The following TSHZ2 variants were observed in gnomAD, a reference collection of about 807,000 sequenced individuals.
TSHZ2 encodes the protein teashirt homolog 2.
In TSHZ2, 21 loss-of-function variants were observed where a neutral mutation model predicts 74.4. The ratio of observed to expected loss-of-function variants is 0.28; its 90% CI spans 0.20 to 0.41. The LOEUF (loss-of-function observed/expected upper bound fraction) is 0.41, where lower values mean the gene tolerates loss of function less well. Ranked by LOEUF, TSHZ2 falls within the 10% of genes least tolerant of loss-of-function variation. TSHZ2 has a pLI of 1.00. For missense variants in TSHZ2, 1,244 were observed against 1,293.5 expected, an observed-to-expected ratio of 0.96 and a Z score of 0.59; for synonymous variants, 540 against 515.3, an observed-to-expected ratio of 1.05 and a Z score of -0.65.
intron 1 of TSHZ2, among the ~76,000 whole-genome samples, chr20:53,082,728 A>C (rs925162441): frequency 2.0e-5 from 3 of 152,246 alleles, no homozygotes; most frequent in Non-Finnish European, 4.4e-5. Context: ...ATGTGAAAGA[A>C]TCTATCTGGC....
At chr20:53,075,355 T>C (rs964646234) in intron 1 of TSHZ2, among the ~76,000 whole-genome samples, 61 of 152,126 alleles carry the variant, frequency 4.0e-4, no homozygotes, top group African/African-American at 1.4e-3. Context: ...AGATCTTGGG[T>C]TTTTCATTCA....
chr20:53,078,475 G>A (rs1985433329), intron 1 of TSHZ2, among the ~76,000 whole-genome samples: 1 of 152,184 alleles, frequency 6.6e-6, no homozygotes, highest in South Asian at 2.1e-4. Context: ...GGATTAGAGG[G>A]ACTCTGGCAT....
chr20:53,374,193 C>T (rs116557161), intron 2 of TSHZ2, among the ~76,000 whole-genome samples: 67 of 152,234 alleles, frequency 4.4e-4, no homozygotes, highest in African/African-American at 1.5e-3. Flanking sequence ...TCTTGGTGTC[C>T]ATAGGCACTC....
chr20:53,160,521 CA>C lies in TSHZ2; in HGVS notation c.41-92977del, dbSNP rs563391709. 1.7e-4 allele frequency among the ~76,000 whole-genome samples: 26 copies of C among 152,160 alleles called. 1 individual carries two copies. The East Asian group carries it at 5.0e-3, about 29-fold the overall frequency. On this transcript the variant is annotated intron_variant, in intron 1 of 2. Coordinates refer to ENST00000371497, the MANE Select transcript of TSHZ2 (RefSeq NM_173485.6). ...CAGTGGCTCATGCCTGTAATTCCAG[CA>C]CTTTGGGAGGCTGAGGTAGACAGAT...
At chr20:53,216,377 G>T (rs140561683) in intron 1 of TSHZ2, among the ~76,000 whole-genome samples, 1 of 152,194 alleles carries the variant, frequency 6.6e-6, no homozygotes, top group East Asian at 1.9e-4. Flanking sequence ...AAATGGGACT[G>T]GGGTGGCGGA....
chr20:53,185,652 G>A, intron 1 of TSHZ2: 1 of 1,536,046 alleles, frequency 6.5e-7, no homozygotes, highest in Middle Eastern at 1.7e-4. Context: ...AAAGATGATG[G>A]CTGCTGCGTT....
At chr20:53,231,779 C>G (rs147452557) in intron 1 of TSHZ2, among the ~76,000 whole-genome samples, 2 of 152,274 alleles carry the variant, frequency 1.3e-5, no homozygotes, top group Non-Finnish European at 2.9e-5. Flanking sequence ...GCTCACCTGT[C>G]GCTAAGACAT....
intron 1 of TSHZ2, among the ~76,000 whole-genome samples, chr20:53,248,849 T>C (rs1371296142): frequency 6.6e-6 from 1 of 152,150 alleles, no homozygotes; most frequent in African/African-American, 2.4e-5. Context: ...TTTCATTTCA[T>C]TTCATTTTAG....
At chr20:53,015,078 T>C (rs999464014) in intron 1 of TSHZ2, among the ~76,000 whole-genome samples, 1 of 152,200 alleles carries the variant, frequency 6.6e-6, no homozygotes, top group African/African-American at 2.4e-5. Context: ...TGAAAACAGC[T>C]GACCCCATTC....
At chr20:53,053,598 T>C (rs1330414607) in intron 1 of TSHZ2, among the ~76,000 whole-genome samples, 1 of 151,988 alleles carries the variant, frequency 6.6e-6, no homozygotes, top group Non-Finnish European at 1.5e-5. Context: ...TATATATATA[T>C]ATTTTTCTCG....
intron 2 of TSHZ2, among the ~76,000 whole-genome samples, chr20:53,461,022 G>C (rs903564699): frequency 6.6e-6 from 1 of 152,198 alleles, no homozygotes; most frequent in Non-Finnish European, 1.5e-5. Flanking sequence ...CCCAGAGGTG[G>C]AGCCTACAGA....
chr20:53,114,255 C>T (rs10485452), intron 1 of TSHZ2, among the ~76,000 whole-genome samples: 9,779 of 152,044 alleles, frequency 0.064, 757 homozygotes, highest in East Asian at 0.37. Context: ...GTTTCATGGA[C>T]GAGTATACAC....
At chr20:53,130,039 G>A (rs1348954524) in intron 1 of TSHZ2, among the ~76,000 whole-genome samples, 1 of 151,878 alleles carries the variant, frequency 6.6e-6, no homozygotes, top group Admixed American at 6.6e-5. Context: ...TAAAGGGAAG[G>A]GGAGTGGCAG....
intron 1 of TSHZ2, among the ~76,000 whole-genome samples, chr20:53,044,707 T>C (rs1194604390): frequency 6.6e-6 from 1 of 151,992 alleles, no homozygotes; most frequent in African/African-American, 2.4e-5. Flanking sequence ...TTGGGGTGCT[T>C]TCTTTCTTTG....
At chr20:53,435,413 C>T (rs1457168227) in intron 2 of TSHZ2, among the ~76,000 whole-genome samples, 1 of 152,124 alleles carries the variant, frequency 6.6e-6, no homozygotes. Flanking sequence ...GTAATGAGCA[C>T]ATATTGCAGA....
chr20:53,141,050 G>A (rs1259348646), intron 1 of TSHZ2, among the ~76,000 whole-genome samples: 4 of 152,194 alleles, frequency 2.6e-5, no homozygotes, highest in African/African-American at 4.8e-5. Flanking sequence ...GAGGTAGGCG[G>A]TATGGGAATA....
At chr20:53,120,164 C>T (rs6097244) in intron 1 of TSHZ2, among the ~76,000 whole-genome samples, 14,778 of 152,174 alleles carry the variant, frequency 0.097, 1,502 homozygotes, top group East Asian at 0.3. Context: ...TTCCCTTCTC[C>T]ACATGGAATG....
intron 1 of TSHZ2, among the ~76,000 whole-genome samples, chr20:53,065,664 G>C (rs750512477): frequency 6.6e-6 from 1 of 152,178 alleles, no homozygotes; most frequent in Non-Finnish European, 1.5e-5. Flanking sequence ...AGGGGGCGTG[G>C]AAATCTTGCT....
chr20:53,351,676 A>G (rs1376831895), intron 2 of TSHZ2, among the ~76,000 whole-genome samples: 3 of 152,234 alleles, frequency 2.0e-5, no homozygotes, highest in Non-Finnish European at 4.4e-5. Flanking sequence ...AGATGTGACT[A>G]AAGTGTCAAG....
Sources: allele counts gnomAD v4.1 joint callset (sites outside exome capture counted in the v4.1 genomes callset), GRCh38; gene constraint gnomAD v4.1.1; transcripts MANE v1.5; gene names NCBI Gene and HGNC (gene_info 2026-07-23, HGNC 2026-07-21).